EIF5B: variants seen among roughly 807,000 people sequenced by gnomAD.
EIF5B encodes the protein eukaryotic translation initiation factor 5B, also known as eIF-5B.
Under a neutral mutation model 147.5 loss-of-function variants are expected in EIF5B, and 47 were observed. The observed-to-expected ratio is 0.32, with a 90% CI of 0.25 to 0.41. EIF5B has a LOEUF of 0.41. Ranked by LOEUF, EIF5B falls within the 10% of genes least tolerant of loss-of-function variation. The pLI is 1.00. For synonymous variants in EIF5B, 455 were observed against 456.2 expected, an observed-to-expected ratio of 1.00 and a Z score of 0.03; for missense variants, 1,064 against 1,413.2, an observed-to-expected ratio of 0.75 and a Z score of 3.96.
chr2:99,362,920 G>A (rs545477020), intron 4 of EIF5B, among the ~76,000 whole-genome samples: 3 of 151,626 alleles, frequency 2.0e-5, no homozygotes, highest in East Asian at 4.0e-4. Context: ...CACCATGCCC[G>A]GCTAATTTTT....
intron 9 of EIF5B, among the ~76,000 whole-genome samples, chr2:99,374,681 C>A (rs974827094): frequency 1.3e-5 from 2 of 152,170 alleles, no homozygotes; most frequent in Admixed American, 1.3e-4. Flanking sequence ...CAGGTATCAG[C>A]CTAAATTTTT....
Position 99,400,151 on chromosome 2 carries a change from A to AAAC in EIF5B, c.*738_*740dup, listed in dbSNP as rs932681415. On this transcript the variant is annotated 3_prime_UTR_variant, in exon 24 of 24. Coordinates refer to ENST00000289371, the MANE Select transcript of EIF5B (RefSeq NM_015904.4). Reference sequence around the variant, plus strand: ...TAGGACAAGAATTATCTTACAAACTAAACTATCATCACACTACCTTGTATG... The same window carrying AAAC: ...TAGGACAAGAATTATCTTACAAACTAAACAACTATCATCACACTACCTTGTATG... 22 of 152,118 alleles carry AAAC rather than the reference A, an allele frequency of 1.4e-4. No individual in the cohort carries two copies. The highest frequency in any genetic ancestry group is 4.4e-4 in the African/African-American group (18 of 41,336). The allele number at this position is 152,118 out of a possible 1,614,324, so 9.4% of individuals were successfully genotyped here. A position where few individuals can be genotyped will look rare whatever the true frequency, so the allele number is the denominator to read the frequency against.
chr2:99,382,220 C>G lies in EIF5B; in HGVS notation c.2123C>G (p.Ser708Cys). The change falls in exon 13 of 24, where the codon TCT (serine) becomes TGT (cysteine). Residue 708 changes from serine to cysteine, a missense_variant. Ser to Cys is a moderately radical substitution (Grantham distance 112, BLOSUM62 -1). Around this residue, in one of 4 missense-constraint regions of EIF5B, gnomAD observed 380 missense variants for 715.6 expected, o/e 0.53. Coordinates refer to ENST00000289371, the MANE Select transcript of EIF5B (RefSeq NM_015904.4). ...MLIIDTPGHESFSNLRNRGSS... is the reference protein window; with the variant it reads ...MLIIDTPGHECFSNLRNRGSS... ...ATTATTGATACTCCTGGGCATGAAT[C>G]TTTCAGGTAAGAGCAATTTGAGTCT... is the stretch of plus-strand genomic sequence containing the variant. The G allele has an allele frequency of 1.9e-6, 3 of 1,612,892 alleles. No homozygotes were observed. The highest frequency in any genetic ancestry group is 2.5e-6 in the Non-Finnish European group (3 of 1,179,310).
Position 99,360,366 on chromosome 2 carries a change from G to GTA in EIF5B, c.161+9_161+10dup. The GTA allele has an allele frequency of 1.3e-6, 2 of 1,585,412 alleles. No individual in the cohort carries two copies. Among genetic ancestry groups the GTA allele is most frequent in the Non-Finnish European group, 1.7e-6 (2 of 1,166,832 alleles). ...GAAAAAAAAGCAGGACTTTGAGTAAGTATATTTTAAATATATTTGATTTTT... is the reference window on the plus strand; with the variant it reads ...GAAAAAAAAGCAGGACTTTGAGTAAGTATATATTTTAAATATATTTGATTTTT... On this transcript the variant is annotated splice_donor_region_variant and intron_variant, in intron 2 of 23. Transcript: ENST00000289371.
intron 2 of EIF5B, 51 bp from the exon 3 acceptor site, chr2:99,360,414 C>T: frequency 1.3e-6 from 2 of 1,598,202 alleles, no homozygotes; most frequent in South Asian, 1.1e-5. Context: ...ACTGGATTCA[C>T]TTAATAAAAA....
In EIF5B at chr2:99,352,368, T is replaced by C. The variant is rs1249242792; in HGVS notation, c.36-7868T>C. 1.3e-5 allele frequency among the ~76,000 whole-genome samples: 2 copies of C among 151,778 alleles called. 1 individual carries two copies. Among genetic ancestry groups the C allele is most frequent in the Admixed American group, 1.3e-4 (2 of 15,246 alleles). On this transcript the variant is annotated intron_variant, in intron 1 of 23. Transcript: ENST00000289371. ...GCGCCACCATGCCTGGCTAATTTTG[T>C]ATTTTTAGTAGAGATGGAGTTTTGC...
At chr2:99,370,362 AAG>A (rs1674422932) in intron 8 of EIF5B, among the ~76,000 whole-genome samples, 1 of 152,194 alleles carries the variant, frequency 6.6e-6, no homozygotes, top group Non-Finnish European at 1.5e-5. Flanking sequence ...CCAGCGATTA[AAG>A]ATAGGATCAG....
At chr2:99,338,492 T>C in intron 1 of EIF5B, 1 of 425,930 alleles carries the variant, frequency 2.3e-6, no homozygotes, top group South Asian at 1.7e-5. Flanking sequence ...CTAGTGCTAG[T>C]TCATCAGTCT....
chr2:99,345,406 A>G (rs2094270477), intron 1 of EIF5B, among the ~76,000 whole-genome samples: 1 of 152,070 alleles, frequency 6.6e-6, no homozygotes, highest in African/African-American at 2.4e-5. Context: ...CAGCCTGGCC[A>G]ACATAGCAAA....
intron 1 of EIF5B, 57 bp downstream of exon 1, chr2:99,337,646 G>A: frequency 6.5e-7 from 1 of 1,547,726 alleles, no homozygotes; most frequent in Non-Finnish European, 8.7e-7. Flanking sequence ...GGAGTGTGCG[G>A]GTCTCGCCGG....
At chr2:99,344,232 T>C (rs1416236433) in intron 1 of EIF5B, among the ~76,000 whole-genome samples, 4 of 152,150 alleles carry the variant, frequency 2.6e-5, no homozygotes, top group Non-Finnish European at 4.4e-5. Flanking sequence ...CATTCTTTTA[T>C]ATGTGGATAT....
At chr2:99,382,744 T>G in intron 13 of EIF5B, 36 bp from the exon 14 acceptor site, 1 of 1,554,898 alleles carries the variant, frequency 6.4e-7, no homozygotes, top group Non-Finnish European at 8.6e-7. Context: ...AATTTCAAGA[T>G]TTTCTACTTA....
At chr2:99,393,763 AC>A (rs1674986057) in intron 18 of EIF5B, among the ~76,000 whole-genome samples, 1 of 152,098 alleles carries the variant, frequency 6.6e-6, no homozygotes, top group Non-Finnish European at 1.5e-5. Context: ...GAGTGGACTT[AC>A]GTCCCTTCAG....
intron 14 of EIF5B, among the ~76,000 whole-genome samples, chr2:99,386,084 C>A (rs183512951): frequency 1.3e-5 from 2 of 152,280 alleles, no homozygotes; most frequent in Admixed American, 1.3e-4. Flanking sequence ...GAATAGTAGT[C>A]CATTATCTGA....
chr2:99,361,812 C>T lies in EIF5B; in HGVS notation c.911C>T (p.Ala304Val). ...GAAGAGAAAGCAGAGACTCCCACAGCTGCAGAAGGTTGGTTAATACTTTAG... is the reference window on the plus strand; with the variant it reads ...GAAGAGAAAGCAGAGACTCCCACAGTTGCAGAAGGTTGGTTAATACTTTAG... ...ASEEKAETPTAAEDDNEGDKK... is the reference protein window; with the variant it reads ...ASEEKAETPTVAEDDNEGDKK... Residue 304 changes from alanine (A) to valine (V), a missense_variant, in exon 4 of 24, where the codon GCT (alanine) becomes GTT (valine). Ala to Val is a moderately conservative substitution (Grantham distance 64). Coordinates refer to ENST00000289371, the MANE Select transcript of EIF5B (RefSeq NM_015904.4). The T allele has an allele frequency of 1.3e-6, 2 of 1,543,176 alleles. No individual in the cohort carries two copies. Among genetic ancestry groups the T allele is most frequent in the Non-Finnish European group, 1.7e-6 (2 of 1,155,932 alleles).
In EIF5B at chr2:99,393,059, C is replaced by A; in HGVS notation, c.2841C>A (p.Leu947=). The A allele has an allele frequency of 6.3e-7, 1 of 1,578,674 alleles. No homozygotes were observed. The highest frequency in any genetic ancestry group is 1.2e-5 in the South Asian group (1 of 84,976). The change falls in exon 18 of 24, where the codon CTC becomes CTA. Residue 947 remains leucine, a synonymous_variant. Coordinates refer to ENST00000289371, the MANE Select transcript of EIF5B (RefSeq NM_015904.4). ...AGAAAACATTGGCTGGTTTACCCCT[C>A]CTTGTGGCTTATAAAGAAGATGAAA... is the stretch of plus-strand genomic sequence containing the variant. ...DLEKTLAGLP[L]LVAYKEDEIP...
At chr2:99,375,473 C>A (rs1674543789) in intron 9 of EIF5B, among the ~76,000 whole-genome samples, 1 of 152,074 alleles carries the variant, frequency 6.6e-6, no homozygotes. Context: ...ATGATTGTAC[C>A]CCACAGTAAG....
Position 99,360,246 on chromosome 2 carries a change from G to C in EIF5B, c.46G>C (p.Asp16His). ...TTGTTTTCATTTAAGCACCAAGGAT[G>C]ACATTGATCTTGATGCCTTGGCTGC... ...KNKSEDSTKD[D>H]IDLDALAAEI... The change falls in exon 2 of 24, where the codon GAC (aspartate) becomes CAC (histidine). Residue 16 changes from aspartate to histidine, a missense_variant. By Grantham distance (81) the Asp-to-His change is moderately conservative. Around this residue, in one of 4 missense-constraint regions of EIF5B, gnomAD observed 458 missense variants for 451.3 expected, o/e 1.01. Coordinates refer to ENST00000289371, the MANE Select transcript of EIF5B (RefSeq NM_015904.4). 6.3e-7 allele frequency: 1 copy of C among 1,596,034 alleles called. No homozygotes were observed. Among genetic ancestry groups the C allele is most frequent in the Middle Eastern group, 1.7e-4 (1 of 5,926 alleles).
chr2:99,338,938 A>G (rs1462885841), intron 1 of EIF5B, among the ~76,000 whole-genome samples: 1 of 146,014 alleles, frequency 6.8e-6, no homozygotes, highest in Non-Finnish European at 1.5e-5. Flanking sequence ...ATATATATAT[A>G]CAAATATATA....
Sources: allele counts gnomAD v4.1 joint callset (sites outside exome capture counted in the v4.1 genomes callset), GRCh38; gene constraint gnomAD v4.1.1; regional missense constraint gnomAD v4.1.1; transcripts MANE v1.5; gene names NCBI Gene and HGNC (gene_info 2026-07-23, HGNC 2026-07-21).